Variants in IGFBP7 observed in about 807,000 individuals in gnomAD.
IGFBP7 encodes the protein insulin-like growth factor-binding protein 7.
Under a neutral mutation model 29.4 loss-of-function variants are expected in IGFBP7, and 31 were observed. The observed-to-expected ratio is 1.05, with a 90% CI of 0.79 to 1.42. The LOEUF (loss-of-function observed/expected upper bound fraction) is 1.42, where lower values mean the gene tolerates loss of function less well. Ranked by LOEUF, IGFBP7 falls within the 40% of genes most tolerant of loss-of-function variation. The pLI is 0.00. For missense variants in IGFBP7, 393 were observed against 395.5 expected (o/e 0.99, Z 0.05); for synonymous variants, 172 against 174.9 (o/e 0.98, Z 0.13).
chr4:57,030,791 C>G lies in IGFBP7; in HGVS notation c.*526G>C. 1 of 682,312 alleles carries G rather than the reference C, an allele frequency of 1.5e-6. No homozygotes were observed. Among genetic ancestry groups the G allele is most frequent in the African/African-American group, 1.8e-5 (1 of 56,650 alleles). The allele number at this position is 682,312 out of a possible 1,614,324, so 42.3% of individuals were successfully genotyped here. A position where few individuals can be genotyped will look rare whatever the true frequency, so the allele number is the denominator to read the frequency against. On this transcript the variant is annotated 3_prime_UTR_variant, in exon 5 of 5. Coordinates refer to ENST00000295666, the MANE Select transcript of IGFBP7 (RefSeq NM_001553.3). ...AGCAGAATGTGTGTTCTCAGCTCCA[C>G]TCATTTATTCATTATCTACAGTACC...
intron 1 of IGFBP7, among the ~76,000 whole-genome samples, chr4:57,053,845 T>A (rs1724574873): frequency 6.6e-6 from 1 of 152,184 alleles, no homozygotes; most frequent in Non-Finnish European, 1.5e-5. Flanking sequence ...GGACTATGAC[T>A]CACCTTAAAT....
chr4:57,098,116 C>T (rs572756939), intron 1 of IGFBP7, among the ~76,000 whole-genome samples: 2 of 152,316 alleles, frequency 1.3e-5, no homozygotes, highest in Non-Finnish European at 2.9e-5. Flanking sequence ...ATGGACTGAG[C>T]TGGCTGCCTT....
intron 1 of IGFBP7, among the ~76,000 whole-genome samples, chr4:57,046,380 TCTAA>T (rs1345966027): frequency 6.6e-6 from 1 of 152,052 alleles, no homozygotes; most frequent in Non-Finnish European, 1.5e-5. Flanking sequence ...CCAAATAACT[TCTAA>T]CTCTTTCCAC....
intron 1 of IGFBP7, among the ~76,000 whole-genome samples, chr4:57,083,024 A>G (rs189811886): frequency 7.7e-4 from 117 of 152,354 alleles, no homozygotes; most frequent in African/African-American, 2.8e-3. Flanking sequence ...CAATAGCTGC[A>G]AAATGTCCCC....
chr4:57,041,953 A>C (rs914474421), intron 1 of IGFBP7, among the ~76,000 whole-genome samples: 2 of 152,110 alleles, frequency 1.3e-5, no homozygotes, highest in Admixed American at 1.3e-4. Flanking sequence ...TGACTGATCT[A>C]TTGGGTGTGA....
At chr4:57,094,186 T>A (rs763256452) in intron 1 of IGFBP7, among the ~76,000 whole-genome samples, 3 of 152,170 alleles carry the variant, frequency 2.0e-5, no homozygotes, top group Non-Finnish European at 4.4e-5. Context: ...CAGCACATCA[T>A]TTACAAAAAG....
intron 1 of IGFBP7, among the ~76,000 whole-genome samples, chr4:57,092,326 A>G (rs2109796401): frequency 6.6e-6 from 1 of 152,322 alleles, no homozygotes; most frequent in Non-Finnish European, 1.5e-5. Context: ...TAGTACACAT[A>G]TCCTTTCTGT....
intron 1 of IGFBP7, chr4:57,065,604 G>C (rs780955648): frequency 1.3e-5 from 2 of 152,240 alleles, no homozygotes; most frequent in Non-Finnish European, 2.9e-5. Context: ...CGTGCAGTCT[G>C]AGTTCCGAGC....
intron 2 of IGFBP7, among the ~76,000 whole-genome samples, chr4:57,033,582 A>T (rs568581929): frequency 1.3e-5 from 2 of 152,214 alleles, no homozygotes; most frequent in South Asian, 4.2e-4. Context: ...ATTTCCTGCC[A>T]CTGGTCACCA....
intron 1 of IGFBP7, among the ~76,000 whole-genome samples, chr4:57,077,349 C>T (rs1214760522): frequency 6.6e-6 from 1 of 152,160 alleles, no homozygotes; most frequent in Non-Finnish European, 1.5e-5. Context: ...GTGATCTCGG[C>T]TCACTGCAAC....
chr4:57,072,675 G>A (rs1284383751), intron 1 of IGFBP7: 6 of 372,742 alleles, frequency 1.6e-5, no homozygotes, highest in East Asian at 1.5e-4. Context: ...GGTGCTGCCC[G>A]GTACCTTGTG....
At chr4:57,032,929 C>T (rs537840901) in intron 3 of IGFBP7, among the ~76,000 whole-genome samples, 23 of 152,330 alleles carry the variant, frequency 1.5e-4, no homozygotes, top group African/African-American at 5.1e-4. Context: ...GCTTGGGCCA[C>T]GCAGCTCCGT....
intron 1 of IGFBP7, chr4:57,072,642 G>A (rs1725081248): frequency 9.0e-6 from 1 of 111,146 alleles, no homozygotes; most frequent in Non-Finnish European, 1.7e-5. Context: ...CAGCGTTGCT[G>A]CTGCCTAGCC....
intron 1 of IGFBP7, among the ~76,000 whole-genome samples, chr4:57,090,039 C>T (rs1391920627): frequency 6.6e-6 from 1 of 152,226 alleles, no homozygotes; most frequent in Non-Finnish European, 1.5e-5. Flanking sequence ...AAACCATCTA[C>T]ACCTAAACTC....
At position 57,078,199 on chromosome 4, in the gene IGFBP7, A is replaced by C. The variant is rs182836044; in HGVS notation, c.475+31678T>G. ...CTGACTGCTCACTATGGGCATTCAT[A>C]TGTGTAAATAATTTAACCCTCACGA... On this transcript the variant is annotated intron_variant, in intron 1 of 4. Coordinates refer to ENST00000295666, the MANE Select transcript of IGFBP7 (RefSeq NM_001553.3). Among the ~76,000 whole-genome samples, 695 of 152,224 alleles carry C rather than the reference A, an allele frequency of 4.6e-3. 4 individuals carry two copies. The highest frequency in any genetic ancestry group is 8.1e-3 in the Non-Finnish European group (552 of 68,012).
intron 1 of IGFBP7, 27 bp downstream of exon 1, chr4:57,109,850 G>A: frequency 6.5e-7 from 1 of 1,532,908 alleles, no homozygotes; most frequent in Admixed American, 2.0e-5. Flanking sequence ...GCGGCGCAGG[G>A]TTGGAGAGGG....
At chr4:57,095,951 A>T (rs1196195284) in intron 1 of IGFBP7, among the ~76,000 whole-genome samples, 2 of 152,158 alleles carry the variant, frequency 1.3e-5, no homozygotes, top group Non-Finnish European at 2.9e-5. Context: ...TTTTGCAACA[A>T]GAATCTATTA....
At chr4:57,067,505 T>C (rs1482192394) in intron 1 of IGFBP7, among the ~76,000 whole-genome samples, 5 of 152,196 alleles carry the variant, frequency 3.3e-5, no homozygotes, top group African/African-American at 9.7e-5. Context: ...TTTAAACTTA[T>C]AGAAGCAGAC....
At chr4:57,037,345 A>G (rs1274146409) in intron 2 of IGFBP7, among the ~76,000 whole-genome samples, 2 of 150,860 alleles carry the variant, frequency 1.3e-5, no homozygotes, top group African/African-American at 4.9e-5. Context: ...TCTTTACTTC[A>G]GCACCCATCT....
Sources: allele counts gnomAD v4.1 joint callset (sites outside exome capture counted in the v4.1 genomes callset), GRCh38; gene constraint gnomAD v4.1.1; transcripts MANE v1.5; gene names NCBI Gene and HGNC (gene_info 2026-07-23, HGNC 2026-07-21).